The following PITPNM2 variants were observed in gnomAD, a reference collection of about 807,000 sequenced individuals.
The protein encoded by PITPNM2 is phosphatidylinositol transfer protein membrane associated 2.
Under a neutral mutation model 132.2 loss-of-function variants are expected in PITPNM2, and 35 were observed. The ratio of observed to expected loss-of-function variants is 0.26; its 90% CI spans 0.20 to 0.35. The LOEUF (loss-of-function observed/expected upper bound fraction) is 0.35. Among genes scored for constraint, PITPNM2 ranks in the 10% least tolerant of loss-of-function variants. The pLI is 1.00. For missense variants in PITPNM2, 1,332 were observed against 1,912.0 expected (o/e 0.70, Z 5.66); for synonymous variants, 738 against 799.2 (o/e 0.92, Z 1.29).
At chr12:123,087,811 G>GTC (rs2137076241) in intron 2 of PITPNM2, 1 of 152,158 alleles carries the variant, frequency 6.6e-6, no homozygotes, top group Admixed American at 6.5e-5. Flanking sequence ...CAGAGACAGG[G>GTC]TCTCGCTATG....
chr12:123,015,074 T>C (rs1231268165), intron 3 of PITPNM2, among the ~76,000 whole-genome samples: 3 of 152,178 alleles, frequency 2.0e-5, no homozygotes, highest in East Asian at 3.8e-4. Flanking sequence ...TGTTGATGGA[T>C]TGGAAGATTT....
At chr12:123,041,982 T>C (rs1302851868) in intron 2 of PITPNM2, among the ~76,000 whole-genome samples, 1 of 151,994 alleles carries the variant, frequency 6.6e-6, no homozygotes, top group Admixed American at 6.5e-5. Flanking sequence ...AGTAAACACC[T>C]GGCCAGACCG....
At chr12:123,070,774 C>T (rs2041599768) in intron 2 of PITPNM2, among the ~76,000 whole-genome samples, 2 of 152,228 alleles carry the variant, frequency 1.3e-5, no homozygotes, top group African/African-American at 2.4e-5. Flanking sequence ...CAGGACCAAC[C>T]GGTTCTTCAG....
In PITPNM2 at chr12:123,074,651, A is replaced by G. The variant is rs936843337; in HGVS notation, c.-96+35734T>C. Among the ~76,000 whole-genome samples, 8 of 151,964 alleles carry G rather than the reference A, an allele frequency of 5.3e-5. No homozygotes were observed. The East Asian group carries it at 1.5e-3, about 29-fold the overall frequency. ...CCCACCCACACACACACACAAACAC[A>G]CACATATGGCCTCACAGCTCAGTAC... On this transcript the variant is annotated intron_variant, in intron 2 of 25. Coordinates refer to ENST00000320201, the MANE Select transcript of PITPNM2 (RefSeq NM_020845.3).
chr12:122,989,938 A>C lies in PITPNM2; in HGVS notation c.2580T>G (p.Asp860Glu). The C allele has an allele frequency of 1.5e-6, 2 of 1,305,276 alleles. No individual in the cohort carries two copies. The highest frequency in any genetic ancestry group is 2.0e-6 in the Non-Finnish European group (2 of 1,022,538). 80.9% of individuals were successfully genotyped at this position (1,305,276 alleles called of 1,614,324 possible). A position where few individuals can be genotyped will look rare whatever the true frequency, so the allele number is the denominator to read the frequency against. The change falls in exon 18 of 26, where the codon GAT (aspartate) becomes GAG (glutamate). Residue 860 changes from aspartate (D) to glutamate (E), a missense_variant. By Grantham distance (45) the Asp-to-Glu change is conservative (BLOSUM62 2). Transcript: ENST00000320201. The stretch of plus-strand genomic sequence containing the variant: ...TGACGCTGGGGGTATGGCTGAGCGC[A>C]TCGGGGGCCTCTGAGAAGCAAGAGC... ...TASSIAQKAP[D>E]ALSHTPSVRR...
chr12:123,107,371 C>A (rs2137296808), intron 2 of PITPNM2, among the ~76,000 whole-genome samples: 1 of 152,340 alleles, frequency 6.6e-6, no homozygotes, highest in East Asian at 1.9e-4. Flanking sequence ...CAAATATTCT[C>A]CTTGGCTGGG....
At chr12:123,122,082 T>C (rs1242129507) in intron 1 of PITPNM2, among the ~76,000 whole-genome samples, 1 of 152,180 alleles carries the variant, frequency 6.6e-6, no homozygotes, top group Non-Finnish European at 1.5e-5. Context: ...CCAGAACTTC[T>C]TCATCTTCCC....
intron 2 of PITPNM2, among the ~76,000 whole-genome samples, chr12:123,050,163 G>A (rs1312937932): frequency 1.3e-5 from 2 of 152,204 alleles, no homozygotes; most frequent in Non-Finnish European, 2.9e-5. Flanking sequence ...TGGGCTGGGG[G>A]TGGGGGTATC....
At chr12:123,145,058 T>G (rs1219366324) in intron 1 of PITPNM2, among the ~76,000 whole-genome samples, 2 of 152,056 alleles carry the variant, frequency 1.3e-5, no homozygotes, top group Non-Finnish European at 2.9e-5. Context: ...AAGTCTGTAG[T>G]CCCAGCTACT....
chr12:123,150,789 G>A lies in PITPNM2; in HGVS notation c.-236C>T, dbSNP rs1321840400. 1.3e-5 allele frequency among the ~76,000 whole-genome samples: 2 copies of A among 148,332 alleles called. No individual in the cohort carries two copies. Among genetic ancestry groups the A allele is most frequent in the Non-Finnish European group, 3.0e-5 (2 of 66,702 alleles). On this transcript the variant is annotated 5_prime_UTR_variant, in exon 1 of 26. Transcript: ENST00000320201. This position sits in a 1 kb window ranked among gnomAD's most constrained non-coding sequence, Gnocchi z 6.0. Reference sequence around the variant, plus strand: ...CGGCCGCGGGCTCTGTCCTCTTCGGGGCCCCGGCTGGGCCGCCGCCACCTC... The same window carrying A: ...CGGCCGCGGGCTCTGTCCTCTTCGGAGCCCCGGCTGGGCCGCCGCCACCTC...
In PITPNM2 at chr12:122,984,611, A is replaced by C. The variant is rs1024397629; in HGVS notation, c.*1416T>G. The C allele has an allele frequency of 6.6e-6, 1 of 152,216 alleles. No homozygotes were observed. The highest frequency in any genetic ancestry group is 1.9e-4 in the East Asian group (1 of 5,202). The allele number at this position is 152,216 out of a possible 1,614,324, so 9.4% of individuals were successfully genotyped here. On this transcript the variant is annotated 3_prime_UTR_variant, in exon 26 of 26. Coordinates refer to ENST00000320201, the MANE Select transcript of PITPNM2 (RefSeq NM_020845.3). ...CATTTACACGACCCTTTGGCTGTAC[A>C]TATCTACACACGGGAAAAAGTTAAC...
chr12:123,075,988 A>T (rs1364637540), intron 2 of PITPNM2: 1 of 152,292 alleles, frequency 6.6e-6, no homozygotes, highest in African/African-American at 2.4e-5. Context: ...GGTGCCTCCC[A>T]TAGAGGCTGA....
At position 123,125,930 on chromosome 12, in the gene PITPNM2, C is replaced by A. The variant is rs1453045286; in HGVS notation, c.-199-15442G>T. Among the ~76,000 whole-genome samples the A allele has an allele frequency of 6.6e-5, 7 of 105,382 alleles. No homozygotes were observed. The Admixed American group carries it at 8.9e-4, about 13-fold the overall frequency. 69.1% of individuals were successfully genotyped at this position (105,382 alleles called of 152,430 possible). A position where few individuals can be genotyped will look rare whatever the true frequency, so the allele number is the denominator to read the frequency against. Reference sequence around the variant, plus strand: ...TGTCACCCAGGCTGGAGCGCAGTGGCGTGATCTCGGCTCACTGCAAGCTCC... The same window carrying A: ...TGTCACCCAGGCTGGAGCGCAGTGGAGTGATCTCGGCTCACTGCAAGCTCC... On this transcript the variant is annotated intron_variant, in intron 1 of 25. Transcript: ENST00000320201.
rs748165931 is a variant in PITPNM2, at chr12:122,986,840, G to A, written c.3414-11C>T. On this transcript the variant is annotated splice_polypyrimidine_tract_variant and intron_variant, in intron 23 of 25. Transcript: ENST00000320201. ...AGGTCCTGCCAGTGCCTGGGGGTGA[G>A]GTGTCGTCTCATGGTCACCCCTTCC... The A allele has an allele frequency of 1.2e-6, 2 of 1,600,356 alleles. No individual in the cohort carries two copies. The highest frequency in any genetic ancestry group is 1.7e-5 in the Admixed American group (1 of 58,310).
At chr12:123,092,679 T>C (rs183310207) in intron 2 of PITPNM2, 1 of 152,226 alleles carries the variant, frequency 6.6e-6, no homozygotes, top group East Asian at 1.9e-4. Flanking sequence ...CAGAGCCACC[T>C]CTGCCTTTGC....
chr12:123,146,324 G>A (rs1193304152), intron 1 of PITPNM2, among the ~76,000 whole-genome samples: 1 of 152,180 alleles, frequency 6.6e-6, no homozygotes, highest in Non-Finnish European at 1.5e-5. Context: ...GCTGGGCGTG[G>A]TGGCTCATGT....
At chr12:123,024,573 G>A (rs1247451084) in intron 3 of PITPNM2, among the ~76,000 whole-genome samples, 5 of 152,184 alleles carry the variant, frequency 3.3e-5, no homozygotes, top group African/African-American at 1.2e-4. Context: ...ACCATGGAAT[G>A]GAATATTATT....
At chr12:123,056,245 A>G (rs916244202) in intron 2 of PITPNM2, among the ~76,000 whole-genome samples, 25 of 152,214 alleles carry the variant, frequency 1.6e-4, no homozygotes, top group Non-Finnish European at 7.3e-5. Context: ...GTCTGGCATG[A>G]CAGTGGCCTC....
At chr12:123,132,767 C>A (rs530964823) in intron 1 of PITPNM2, among the ~76,000 whole-genome samples, 2 of 152,146 alleles carry the variant, frequency 1.3e-5, no homozygotes, top group South Asian at 4.1e-4. Context: ...TAGAATCATA[C>A]AATATTGTCC....
Sources: gnomAD v4.1 joint callset for allele counts (sites outside exome capture counted in the v4.1 genomes callset) on GRCh38, gnomAD v4.1.1 for gene constraint, Gnocchi (gnomAD v3.1) non-coding constraint, MANE v1.5 for transcripts, NCBI Gene and HGNC (gene_info 2026-07-23, HGNC 2026-07-21) for gene names.